Variants in XAB2 observed in about 807,000 individuals in gnomAD.
XAB2 encodes the protein pre-mRNA-splicing factor SYF1.
Under a neutral mutation model 113.4 loss-of-function variants are expected in XAB2, and 57 were observed. The ratio of observed to expected loss-of-function variants is 0.50; its 90% CI spans 0.41 to 0.63. XAB2 has a LOEUF of 0.63. Among genes scored for constraint, XAB2 ranks in the 20% least tolerant of loss-of-function variants. The probability of loss-of-function intolerance (pLI) is 0.00; values close to 1 mark genes in which losing one functional copy is unlikely to be tolerated. For synonymous variants in XAB2, 497 were observed against 498.8 expected (o/e 1.00, Z 0.05); for missense variants, 1,037 against 1,233.3 (o/e 0.84, Z 2.38).
chr19:7,623,332 G>A lies in XAB2; in HGVS notation c.1120-43C>T. ...GAGGTCATATAGGACTCAGGACCCTGCAGATGACGGTCGGGGCAGAGCTGT... is the reference window on the plus strand; with the variant it reads ...GAGGTCATATAGGACTCAGGACCCTACAGATGACGGTCGGGGCAGAGCTGT... On this transcript the variant is annotated intron_variant, in intron 8 of 18. Coordinates refer to ENST00000358368, the MANE Select transcript of XAB2 (RefSeq NM_020196.3). This position sits in a 1 kb window ranked among gnomAD's most constrained non-coding sequence, Gnocchi z 4.6. The A allele has an allele frequency of 2.5e-6, 4 of 1,603,672 alleles. No individual in the cohort carries two copies. Among genetic ancestry groups the A allele is most frequent in the East Asian group, 2.2e-5 (1 of 44,640 alleles).
chr19:7,625,958 G>A lies in XAB2; in HGVS notation c.744C>T (p.Leu248=), dbSNP rs1408987893. The stretch of plus-strand genomic sequence containing the variant: ...TGCCCAGCTGGTCGGTGAAGCGGGT[G>A]AGGCCCCCGCGGATGATGGCGTCCA... ...LNVDAIIRGG[L]TRFTDQLGKL... is the part of the protein sequence containing the mutation. The change falls in exon 6 of 19, where the codon CTC becomes CTT. Residue 248 remains leucine, a synonymous_variant. Coordinates refer to ENST00000358368, the MANE Select transcript of XAB2 (RefSeq NM_020196.3). The surrounding 1 kb of genome is among the most constrained non-coding windows in gnomAD (Gnocchi z 5.2). 1 of 1,613,866 alleles carries A rather than the reference G, an allele frequency of 6.2e-7. No individual in the cohort carries two copies. Among genetic ancestry groups the A allele is most frequent in the East Asian group, 2.2e-5 (1 of 44,886 alleles).
chr19:7,626,143 T>C lies in XAB2; in HGVS notation c.650A>G (p.Asn217Ser), dbSNP rs1486147153. The C allele has an allele frequency of 1.2e-6, 2 of 1,613,658 alleles. No homozygotes were observed. Among genetic ancestry groups the C allele is most frequent in the Non-Finnish European group, 1.7e-6 (2 of 1,179,964 alleles). Residue 217 changes from asparagine to serine, a missense_variant, in exon 5 of 19, where the codon AAC becomes AGC. By Grantham distance (46) the Asn-to-Ser change is conservative. Coordinates refer to ENST00000358368, the MANE Select transcript of XAB2 (RefSeq NM_020196.3). ...ERFVSKAGKS[N>S]YQLWHELCDL... ...GGCTCCCGGCAGGCCCACCTGGTAG[T>C]TGGACTTGCCGGCCTTAGACACGAA...
chr19:7,629,363 C>A (rs1020814099), intron 1 of XAB2, 114 bp downstream of exon 1: 4 of 1,324,324 alleles, frequency 3.0e-6, no homozygotes, highest in Middle Eastern at 1.9e-4. Context: ...GGTTCCCAGA[C>A]CTTGGCCTGG....
At chr19:7,626,931 G>A (rs537761414) in intron 4 of XAB2, among the ~76,000 whole-genome samples, 2 of 152,164 alleles carry the variant, frequency 1.3e-5, no homozygotes, top group Non-Finnish European at 2.9e-5. Flanking sequence ...CTTCATGGCT[G>A]TGGTTTTACT....
rs182526715 is a variant in XAB2, at chr19:7,622,105, G to A, written c.1617+226C>T. 3.6e-4 allele frequency: 187 copies of A among 515,816 alleles called. 1 individual carries two copies. The highest frequency in any genetic ancestry group is 1.6e-3 in the South Asian group (70 of 43,434). The allele number at this position is 515,816 out of a possible 1,614,324, so 32.0% of individuals were successfully genotyped here. ...CCACACAAAGACATAGGGAGAAGGC[G>A]GCTGTCTGTAAGCTAAGGAGAGAGG... is the stretch of plus-strand genomic sequence containing the variant. On this transcript the variant is annotated intron_variant, in intron 12 of 18. Transcript: ENST00000358368.
chr19:7,624,235 G>A lies in XAB2; in HGVS notation c.967+66C>T, dbSNP rs2031093654. On this transcript the variant is annotated intron_variant, in intron 7 of 18. Coordinates refer to ENST00000358368, the MANE Select transcript of XAB2 (RefSeq NM_020196.3). This position sits in a 1 kb window ranked among gnomAD's most constrained non-coding sequence, Gnocchi z 4.2. ...CCCAGGGCTGCCTCACCTGAGATGT[G>A]TCCCGCCCCTACCGCTAATGTCCAC... 1 of 1,600,098 alleles carries A rather than the reference G, an allele frequency of 6.2e-7. No homozygotes were observed. The highest frequency in any genetic ancestry group is 1.3e-5 in the African/African-American group (1 of 74,816).
In XAB2 at chr19:7,619,867, G is replaced by A. The variant is rs369838336; in HGVS notation, c.2397-11C>T. ...CGGGAGGCGTCACTCCTAGGGACGG[G>A]CCATGCTGCCTCAGTTCCCCACCCC... On this transcript the variant is annotated splice_polypyrimidine_tract_variant and intron_variant, in intron 17 of 18. Coordinates refer to ENST00000358368, the MANE Select transcript of XAB2 (RefSeq NM_020196.3). 61 of 1,610,928 alleles carry A rather than the reference G, an allele frequency of 3.8e-5. No individual in the cohort carries two copies. Among genetic ancestry groups the A allele is most frequent in the Non-Finnish European group, 4.6e-5 (54 of 1,179,852 alleles).
chr19:7,622,407 C>T lies in XAB2; in HGVS notation c.1541G>A (p.Arg514His), dbSNP rs139001512. The change falls in exon 12 of 19, where the codon CGT becomes CAT. Residue 514 changes from arginine (R) to histidine (H), a missense_variant. Coordinates refer to ENST00000358368, the MANE Select transcript of XAB2 (RefSeq NM_020196.3). ...KAVYDRILDL[R>H]IATPQIVINY... ...GATGACGATCTGGGGTGTTGCGATA[C>T]GCAGGTCCAGGATGCGGTCGTACAC... 1.1e-3 allele frequency: 1,830 copies of T among 1,614,170 alleles called. 2 individuals carry two copies. Among genetic ancestry groups the T allele is most frequent in the Non-Finnish European group, 1.5e-3 (1,723 of 1,180,042 alleles).
In XAB2 at chr19:7,628,820, C is replaced by A. The variant is rs1180066834; in HGVS notation, c.52-522G>T. Among the ~76,000 whole-genome samples the A allele has an allele frequency of 6.6e-6, 1 of 152,196 alleles. No homozygotes were observed. Among genetic ancestry groups the A allele is most frequent in the Non-Finnish European group, 1.5e-5 (1 of 68,032 alleles). ...CAGATTCCAAGCCACTAGCCCCGCC[C>A]CCAGGATCCCACTAGCCAGCGTCTA... On this transcript the variant is annotated intron_variant, in intron 1 of 18. Coordinates refer to ENST00000358368, the MANE Select transcript of XAB2 (RefSeq NM_020196.3). This position sits in a 1 kb window ranked among gnomAD's most constrained non-coding sequence, Gnocchi z 4.6.
At position 7,627,622 on chromosome 19, in the gene XAB2, C is replaced by A; in HGVS notation, c.324+106G>T. The A allele has an allele frequency of 1.3e-6, 2 of 1,556,316 alleles. No individual in the cohort carries two copies. The highest frequency in any genetic ancestry group is 2.3e-5 in the East Asian group (1 of 44,366). On this transcript the variant is annotated intron_variant, in intron 3 of 18. Coordinates refer to ENST00000358368, the MANE Select transcript of XAB2 (RefSeq NM_020196.3). The surrounding 1 kb of genome is among the most constrained non-coding windows in gnomAD (Gnocchi z 4.5). ...TCCCATGCAAAGAAGCAACAGGAAT[C>A]CAAGCCCCCATCCCTAACATGCTGA... is the stretch of plus-strand genomic sequence containing the variant.
chr19:7,626,793 G>A (rs1419648486), intron 4 of XAB2, among the ~76,000 whole-genome samples: 1 of 152,194 alleles, frequency 6.6e-6, no homozygotes, highest in Admixed American at 6.5e-5. Flanking sequence ...GTCCTGACTG[G>A]TCCAGCTTAG....
chr19:7,627,365 C>T lies in XAB2; in HGVS notation c.400G>A (p.Asp134Asn), dbSNP rs773500114. The change falls in exon 4 of 19, where the codon GAC becomes AAC. Residue 134 changes from aspartate (D) to asparagine (N), a missense_variant. Coordinates refer to ENST00000358368, the MANE Select transcript of XAB2 (RefSeq NM_020196.3). This position sits in a 1 kb window ranked among gnomAD's most constrained non-coding sequence, Gnocchi z 4.5. ...ATGGGCAGTGCCCGGAGGGCACGGT[C>T]GAAGGTGCGGCGGGTGTGTGTGACG... ...GRVTHTRRTF[D>N]RALRALPITQ... 72 of 1,613,110 alleles carry T rather than the reference C, an allele frequency of 4.5e-5. 1 individual carries two copies. Among genetic ancestry groups the T allele is most frequent in the Admixed American group, 6.7e-5 (4 of 59,950 alleles).
At position 7,628,261 on chromosome 19, in the gene XAB2, C is replaced by T. The variant is rs199559592; in HGVS notation, c.89G>A (p.Arg30Gln). The stretch of plus-strand genomic sequence containing the variant: ...CCAGCATTTGACAGAGAATTGGTTC[C>T]GCATGATTTCCTCCTCATAGGGGAG... Reference protein sequence around the residue: ...EDLPYEEEIMRNQFSVKCWLR... With the variant: ...EDLPYEEEIMQNQFSVKCWLR... Residue 30 changes from arginine to glutamine, a missense_variant, in exon 2 of 19, where the codon CGG becomes CAG. Arg to Gln is a conservative substitution (Grantham distance 43). Coordinates refer to ENST00000358368, the MANE Select transcript of XAB2 (RefSeq NM_020196.3). This position sits in a 1 kb window ranked among gnomAD's most constrained non-coding sequence, Gnocchi z 4.6. The T allele has an allele frequency of 6.2e-6, 10 of 1,613,956 alleles. No individual in the cohort carries two copies. The highest frequency in any genetic ancestry group is 7.6e-6 in the Non-Finnish European group (9 of 1,180,034).
chr19:7,623,854 G>A lies in XAB2; in HGVS notation c.996C>T (p.Ala332=). 1.2e-6 allele frequency: 2 copies of A among 1,601,990 alleles called. No individual in the cohort carries two copies. The highest frequency in any genetic ancestry group is 8.5e-7 in the Non-Finnish European group (1 of 1,176,128). The change falls in exon 8 of 19, where the codon GCC becomes GCT. Residue 332 remains alanine (A), a synonymous_variant. Transcript: ENST00000358368. This position sits in a 1 kb window ranked among gnomAD's most constrained non-coding sequence, Gnocchi z 4.6. ...GCCGGCTGATGAGCTGCTCGAAGCGGGCCAGGCGCAGCTCCAGGTCCACAT... is the reference window on the plus strand; with the variant it reads ...GCCGGCTGATGAGCTGCTCGAAGCGAGCCAGGCGCAGCTCCAGGTCCACAT... ...EDDVDLELRL[A]RFEQLISRRP...
At chr19:7,619,890 C>T (rs755942438) in intron 17 of XAB2, 34 bp from the exon 18 acceptor site, 1 of 1,609,994 alleles carries the variant, frequency 6.2e-7, no homozygotes, top group Admixed American at 1.7e-5. Flanking sequence ...AGTTCCCCAC[C>T]CCGGGCCCCC....
chr19:7,628,016 C>A lies in XAB2; in HGVS notation c.200+134G>T, dbSNP rs940643017. On this transcript the variant is annotated intron_variant, in intron 2 of 18. Coordinates refer to ENST00000358368, the MANE Select transcript of XAB2 (RefSeq NM_020196.3). The surrounding 1 kb of genome is among the most constrained non-coding windows in gnomAD (Gnocchi z 4.6). ...GGGACATCAGAGAAGGTGTGCTGAC[C>A]CATCAAGGGATGTACAGGTCAGTGA... The A allele has an allele frequency of 1.5e-5, 22 of 1,455,718 alleles. No homozygotes were observed. Among genetic ancestry groups the A allele is most frequent in the Non-Finnish European group, 1.9e-5 (20 of 1,079,852 alleles). The allele number at this position is 1,455,718 out of a possible 1,614,324, so 90.2% of individuals were successfully genotyped here.
intron 16 of XAB2, 60 bp from the exon 17 acceptor site, chr19:7,620,135 C>A: frequency 6.3e-7 from 1 of 1,597,440 alleles, no homozygotes; most frequent in East Asian, 2.2e-5. Context: ...TCGGACGTTG[C>A]ACTATCCCAG....
chr19:7,629,224 C>T (rs4134812), intron 1 of XAB2, among the ~76,000 whole-genome samples: 2 of 152,244 alleles, frequency 1.3e-5, no homozygotes, highest in African/African-American at 4.8e-5. Flanking sequence ...CCCATTTCCG[C>T]CCCTGGTTCG....
rs920355714 is a variant in XAB2, at chr19:7,626,350, T to TC, written c.523-81dup. 8.4e-4 allele frequency: 1,291 copies of TC among 1,545,560 alleles called. 1 individual carries two copies. Among genetic ancestry groups the TC allele is most frequent in the Middle Eastern group, 1.0e-3 (5 of 4,774 alleles). ...CTCCCGATTCAGTGGCTTCGGGGCG[T>TC]CCCCCCCCACCCATTTATGAGTGTC... On this transcript the variant is annotated intron_variant, in intron 4 of 18. Transcript: ENST00000358368.
Sources: allele counts gnomAD v4.1 joint callset (sites outside exome capture counted in the v4.1 genomes callset), GRCh38; gene constraint gnomAD v4.1.1; non-coding constraint Gnocchi (gnomAD v3.1); transcripts MANE v1.5; gene names NCBI Gene and HGNC (gene_info 2026-07-23, HGNC 2026-07-21).